The following CLCF1 variants were observed in gnomAD, a reference collection of about 807,000 sequenced individuals.
CLCF1 encodes cardiotrophin-like cytokine factor 1.
In CLCF1, 10 loss-of-function variants were observed where a neutral mutation model predicts 21.2. The ratio of observed to expected loss-of-function variants is 0.47; its 90% CI spans 0.29 to 0.80. The LOEUF is 0.80. Among genes scored for constraint, CLCF1 ranks in the 30% least tolerant of loss-of-function variants. The probability of loss-of-function intolerance (pLI) is 0.09; values close to 1 mark genes in which losing one functional copy is unlikely to be tolerated. For synonymous variants in CLCF1, 115 were observed against 120.5 expected (o/e 0.95, Z 0.30); for missense variants, 240 against 293.4 (o/e 0.82, Z 1.33).
chr11:67,370,293 G>A (rs1215185263), intron 1 of CLCF1: 1 of 985,126 alleles, frequency 1.0e-6, no homozygotes, highest in Non-Finnish European at 1.2e-6. Context: ...GTGCGTGGTG[G>A]GCTTCCTGGA....
chr11:67,371,614 G>A (rs1362136525), intron 1 of CLCF1, among the ~76,000 whole-genome samples: 1 of 152,204 alleles, frequency 6.6e-6, no homozygotes, highest in Non-Finnish European at 1.5e-5. Flanking sequence ...CCATGGGTGT[G>A]CTCAGGGAGG....
chr11:67,370,825 G>A lies in CLCF1; in HGVS notation c.16+2699C>T, dbSNP rs1862215950. 4 of 985,406 alleles carry A rather than the reference G, an allele frequency of 4.1e-6. No individual in the cohort carries two copies. In the South Asian group the frequency reaches 1.4e-4, roughly 35 times the overall value. 61.0% of individuals were successfully genotyped at this position (985,406 alleles called of 1,614,324 possible). Reference sequence around the variant, plus strand: ...TGTGCCAGGGTGCTTAGGGTGGTAGGACAAGTCAATGGGAGTCTCTGCACC... The same window carrying A: ...TGTGCCAGGGTGCTTAGGGTGGTAGAACAAGTCAATGGGAGTCTCTGCACC... On this transcript the variant is annotated intron_variant, in intron 1 of 2. Transcript: ENST00000312438.
chr11:67,371,766 A>G (rs1423965528), intron 1 of CLCF1, among the ~76,000 whole-genome samples: 2 of 151,806 alleles, frequency 1.3e-5, no homozygotes, highest in Non-Finnish European at 2.9e-5. Context: ...AGGAGAGTGC[A>G]GGAGCCAGGT....
rs1276194581 is a variant in CLCF1, at chr11:67,372,651, G to C, written c.16+873C>G. 6.7e-6 allele frequency among the ~76,000 whole-genome samples: 1 copy of C among 149,096 alleles called. No homozygotes were observed. Among genetic ancestry groups the C allele is most frequent in the African/African-American group, 2.5e-5 (1 of 40,768 alleles). ...GGGGGCGGGGGCGGGGGCGGGGTCC[G>C]GGGCACCGGGCTCCGGGCTCTGCCC... On this transcript the variant is annotated intron_variant, in intron 1 of 2. Coordinates refer to ENST00000312438, the MANE Select transcript of CLCF1 (RefSeq NM_013246.3). This position sits in a 1 kb window ranked among gnomAD's most constrained non-coding sequence, Gnocchi z 5.9.
rs192910852 is a variant in CLCF1, at chr11:67,365,832, C to T, written c.184-202G>A. ...ATGCAGGTGACAGTTGAAGCAGTGGCGGTGGTGAGCTCTCCAATGGAGAGG... is the reference window on the plus strand; with the variant it reads ...ATGCAGGTGACAGTTGAAGCAGTGGTGGTGGTGAGCTCTCCAATGGAGAGG... On this transcript the variant is annotated intron_variant, in intron 2 of 2. Transcript: ENST00000312438. The surrounding 1 kb of genome is among the most constrained non-coding windows in gnomAD (Gnocchi z 5.0). Among the ~76,000 whole-genome samples the T allele has an allele frequency of 2.4e-4, 37 of 152,182 alleles. 2 individuals carry two copies. The highest frequency in any genetic ancestry group is 8.3e-4 in the South Asian group (4 of 4,822).
chr11:67,373,708 G>A, upstream of CLCF1: 1 of 1,213,882 alleles, frequency 8.2e-7, no homozygotes, highest in Non-Finnish European at 1.0e-6. Context: ...GGGACATTCT[G>A]CAAACTTTTT....
At position 67,372,953 on chromosome 11, in the gene CLCF1, T is replaced by C. The variant is rs559338836; in HGVS notation, c.16+571A>G. Among the ~76,000 whole-genome samples the C allele has an allele frequency of 6.7e-6, 1 of 148,416 alleles. No individual in the cohort carries two copies. The highest frequency in any genetic ancestry group is 2.5e-5 in the African/African-American group (1 of 40,292). On this transcript the variant is annotated intron_variant, in intron 1 of 2. Coordinates refer to ENST00000312438, the MANE Select transcript of CLCF1 (RefSeq NM_013246.3). This position sits in a 1 kb window ranked among gnomAD's most constrained non-coding sequence, Gnocchi z 5.9. Reference sequence around the variant, plus strand: ...GAAGCCGCGAGTCCCGCGGCGCGGCTCGGCCCGTCCGGCCCGGCCCAGCCA... The same window carrying C: ...GAAGCCGCGAGTCCCGCGGCGCGGCCCGGCCCGTCCGGCCCGGCCCAGCCA...
chr11:67,370,400 T>TGCAG, intron 1 of CLCF1: 1 of 719,860 alleles, frequency 1.4e-6, no homozygotes, highest in Non-Finnish European at 1.7e-6. Flanking sequence ...CCACCAGTCC[T>TGCAG]GGCCCCCAGC....
At chr11:67,374,101 C>T (rs1862296087), upstream of CLCF1, 2 of 985,904 alleles carry the variant, frequency 2.0e-6, no homozygotes, top group African/African-American at 3.5e-5. Flanking sequence ...TCATCTCTAA[C>T]CTTCCCTCCT....
chr11:67,370,120 G>A lies in CLCF1; in HGVS notation c.17-2494C>T, dbSNP rs1418620584. The A allele has an allele frequency of 4.1e-6, 4 of 985,298 alleles. No homozygotes were observed. In the South Asian group the frequency reaches 1.4e-4, roughly 35 times the overall value. 61.0% of individuals were successfully genotyped at this position (985,298 alleles called of 1,614,324 possible). ...AGAAGAGGTTAGGAGAAAAGAAAGG[G>A]GGGGTAGAAGGACAGGGCTCTGCCC... On this transcript the variant is annotated intron_variant, in intron 1 of 2. Transcript: ENST00000312438.
chr11:67,367,135 G>T (rs1046289179), intron 2 of CLCF1, among the ~76,000 whole-genome samples: 1 of 143,328 alleles, frequency 7.0e-6, no homozygotes, highest in Non-Finnish European at 1.5e-5. Context: ...AACCCCGCCC[G>T]CGCAAGAGAC....
At chr11:67,366,186 T>A (rs1300004374) in intron 2 of CLCF1, among the ~76,000 whole-genome samples, 2 of 151,846 alleles carry the variant, frequency 1.3e-5, no homozygotes, top group Non-Finnish European at 2.9e-5. Flanking sequence ...TGCAGGGGGT[T>A]AAGAAGTGAG....
rs1862248457 is a variant in CLCF1 at position 67,372,140 on chromosome 11, G to A, written c.16+1384C>T. 2.0e-5 allele frequency among the ~76,000 whole-genome samples: 3 copies of A among 152,094 alleles called. No individual in the cohort carries two copies. Among genetic ancestry groups the A allele is most frequent in the South Asian group, 4.1e-4 (2 of 4,820 alleles). ...GTCAGTCGGGGTCAGTGAAAGCACA[G>A]AGGTGTCCCTGGGTTAGGGTCAGAG... On this transcript the variant is annotated intron_variant, in intron 1 of 2. Coordinates refer to ENST00000312438, the MANE Select transcript of CLCF1 (RefSeq NM_013246.3). The surrounding 1 kb of genome is among the most constrained non-coding windows in gnomAD (Gnocchi z 5.9).
At chr11:67,368,272 G>A in intron 1 of CLCF1, 1 of 985,350 alleles carries the variant, frequency 1.0e-6, no homozygotes, top group Non-Finnish European at 1.2e-6. Context: ...GGGTTAGATT[G>A]AAGGAGATTT....
chr11:67,365,324 C>T lies in CLCF1; in HGVS notation c.490G>A (p.Gly164Arg), dbSNP rs1862072440. The T allele has an allele frequency of 6.2e-7, 1 of 1,613,800 alleles. No individual in the cohort carries two copies. The highest frequency in any genetic ancestry group is 8.5e-7 in the Non-Finnish European group (1 of 1,180,024). The change falls in exon 3 of 3, where the codon GGG becomes AGG. Residue 164 changes from glycine to arginine, a missense_variant. Physicochemically the swap from Gly to Arg is moderately radical, Grantham distance 125. Transcript: ENST00000312438. The surrounding 1 kb of genome is among the most constrained non-coding windows in gnomAD (Gnocchi z 5.0). ...CCAGGAGTCCAAGTGGGTTCAGTCC[C>T]AGGCAGCGGCTGGGGCAGTGGGTAG... is the stretch of plus-strand genomic sequence containing the variant. ...LGYPLPQPLP[G>R]TEPTWTPGPA...
chr11:67,367,079 G>A (rs530079384), intron 2 of CLCF1, among the ~76,000 whole-genome samples: 2 of 152,262 alleles, frequency 1.3e-5, no homozygotes, highest in South Asian at 2.1e-4. Context: ...GGGCAGAGGC[G>A]AGCTGGAACG....
chr11:67,368,912 C>CTTTTTTTTTTTTTTTTTT (rs10666079), intron 1 of CLCF1: 2 of 561,542 alleles, frequency 3.6e-6, no homozygotes, highest in Non-Finnish European at 4.2e-6. Flanking sequence ...TTTTTTTTTC[C>CTTTTTTTTTTTTTTTTTT]TTTTTTTTTT....
chr11:67,368,375 A>G (rs1790737), intron 1 of CLCF1: 38,788 of 985,236 alleles, frequency 0.039, 1,150 homozygotes, highest in African/African-American at 0.14. Context: ...AGGCCTTTCC[A>G]TCAGCCTGCA....
At chr11:67,367,756 C>T (rs1330307464) in intron 1 of CLCF1, 130 bp from the exon 2 acceptor site, 2 of 1,515,632 alleles carry the variant, frequency 1.3e-6, no homozygotes, top group Non-Finnish European at 1.8e-6. Context: ...AGATGGGAGG[C>T]AGAGGGGATG....
Sources: allele counts gnomAD v4.1 joint callset (sites outside exome capture counted in the v4.1 genomes callset), GRCh38; gene constraint gnomAD v4.1.1; non-coding constraint Gnocchi (gnomAD v3.1); transcripts MANE v1.5; gene names NCBI Gene and HGNC (gene_info 2026-07-23, HGNC 2026-07-21).